Variants in EYS observed in about 807,000 individuals in gnomAD.
EYS encodes protein eyes shut homolog.
Under a neutral mutation model 282.1 loss-of-function variants are expected in EYS, and 250 were observed. The ratio of observed to expected loss-of-function variants is 0.89; its 90% CI spans 0.80 to 0.98. EYS has a LOEUF of 0.98. Among genes scored for constraint, EYS ranks in the 50% least tolerant of loss-of-function variants. EYS has a pLI of 0.00. For missense variants in EYS, 4,016 were observed against 3,709.0 expected (o/e 1.08, Z -2.15); for synonymous variants, 1,355 against 1,282.9 (o/e 1.06, Z -1.20).
intron 35 of EYS, among the ~76,000 whole-genome samples, chr6:63,955,410 T>A (rs928147575): frequency 2.0e-5 from 3 of 152,198 alleles, no homozygotes; most frequent in Admixed American, 1.3e-4. Context: ...AGTGGCAAGG[T>A]ACACTTCAAT....
At chr6:64,506,658 A>C (rs928596991) in intron 26 of EYS, among the ~76,000 whole-genome samples, 1 of 152,120 alleles carries the variant, frequency 6.6e-6, no homozygotes, top group Non-Finnish European at 1.5e-5. Context: ...CACGCATGCA[A>C]TCCCAGCACG....
At chr6:64,260,527 G>A (rs905038410) in intron 30 of EYS, among the ~76,000 whole-genome samples, 1 of 151,972 alleles carries the variant, frequency 6.6e-6, no homozygotes, top group Non-Finnish European at 1.5e-5. Context: ...TGTAATGGAG[G>A]TACTGTTAGA....
At chr6:65,252,346 G>A (rs918014141) in intron 12 of EYS, among the ~76,000 whole-genome samples, 9 of 151,932 alleles carry the variant, frequency 5.9e-5, no homozygotes, top group African/African-American at 2.2e-4. Context: ...ATCACAGATT[G>A]ACCATTGATG....
At chr6:65,386,787 CA>C (rs1765820240) in intron 7 of EYS, among the ~76,000 whole-genome samples, 1 of 151,828 alleles carries the variant, frequency 6.6e-6, no homozygotes, top group Non-Finnish European at 1.5e-5. Flanking sequence ...GTTTTAAATA[CA>C]GGGGGAGAGA....
intron 5 of EYS, among the ~76,000 whole-genome samples, chr6:65,454,962 T>A (rs1342327181): frequency 6.6e-6 from 1 of 152,122 alleles, no homozygotes; most frequent in Non-Finnish European, 1.5e-5. Flanking sequence ...TTGTGATATT[T>A]GCTTAGGGTT....
chr6:65,553,806 T>C (rs1768687102), intron 2 of EYS, among the ~76,000 whole-genome samples: 1 of 152,122 alleles, frequency 6.6e-6, no homozygotes, highest in African/African-American at 2.4e-5. Flanking sequence ...AATCTCAAGC[T>C]GATTTTTACA....
intron 5 of EYS, among the ~76,000 whole-genome samples, chr6:65,439,706 T>C (rs1024019170): frequency 2.0e-5 from 3 of 152,160 alleles, no homozygotes; most frequent in African/African-American, 7.2e-5. Flanking sequence ...TTTTGTATCC[T>C]GAGACTTTGC....
chr6:64,439,079 T>C, intron 27 of EYS, 83 bp downstream of exon 27: 1 of 748,528 alleles, frequency 1.3e-6, no homozygotes, highest in Non-Finnish European at 2.0e-6. Context: ...TAAGTTTAAA[T>C]TTTATTTTGA....
At chr6:65,330,840 C>T in intron 11 of EYS, 6 of 935,658 alleles carry the variant, frequency 6.4e-6, no homozygotes, top group Non-Finnish European at 7.6e-6. Flanking sequence ...CATTTAGAGT[C>T]TACTTCTATA....
chr6:64,463,317 A>G (rs539041156), intron 26 of EYS, among the ~76,000 whole-genome samples: 2 of 152,240 alleles, frequency 1.3e-5, no homozygotes, highest in South Asian at 2.1e-4. Flanking sequence ...TTATATTACA[A>G]TTCTGACCTT....
At chr6:64,130,498 G>T (rs1381108898) in intron 31 of EYS, among the ~76,000 whole-genome samples, 1 of 151,934 alleles carries the variant, frequency 6.6e-6, no homozygotes, top group Non-Finnish European at 1.5e-5. Flanking sequence ...AGGGGGGAGG[G>T]ATAACATTAG....
chr6:65,007,736 C>G (rs919956847), intron 13 of EYS, among the ~76,000 whole-genome samples: 1 of 152,100 alleles, frequency 6.6e-6, no homozygotes, highest in Non-Finnish European at 1.5e-5. Flanking sequence ...CAATTATGCC[C>G]CCTCCAAGCG....
At chr6:64,056,319 C>A (rs1329565987) in intron 33 of EYS, among the ~76,000 whole-genome samples, 1 of 152,202 alleles carries the variant, frequency 6.6e-6, no homozygotes, top group African/African-American at 2.4e-5. Flanking sequence ...TATAGACTCT[C>A]CCTCTCCAAA....
chr6:64,470,803 T>A (rs1294892808), intron 26 of EYS, among the ~76,000 whole-genome samples: 3 of 151,700 alleles, frequency 2.0e-5, no homozygotes, highest in Non-Finnish European at 4.4e-5. Flanking sequence ...AAGGAATACA[T>A]AAGAATAAAA....
chr6:64,824,509 T>A (rs1037064304), intron 19 of EYS, among the ~76,000 whole-genome samples: 3 of 151,932 alleles, frequency 2.0e-5, no homozygotes, highest in Non-Finnish European at 4.4e-5. Context: ...AAACACATTA[T>A]ATTTGATTAG....
At chr6:65,033,417 C>A (rs546492638) in intron 13 of EYS, among the ~76,000 whole-genome samples, 9 of 152,248 alleles carry the variant, frequency 5.9e-5, no homozygotes, top group African/African-American at 2.2e-4. Flanking sequence ...TCATGGCAGT[C>A]ACTCCCATCA....
chr6:65,345,567 TA>T (rs1254876813), intron 9 of EYS, among the ~76,000 whole-genome samples: 5 of 151,828 alleles, frequency 3.3e-5, no homozygotes, highest in Non-Finnish European at 7.4e-5. Context: ...ATTGTAGGAT[TA>T]TTTAGAATTG....
At chr6:64,737,029 T>G (rs1179785645) in intron 22 of EYS, among the ~76,000 whole-genome samples, 1 of 152,204 alleles carries the variant, frequency 6.6e-6, no homozygotes, top group African/African-American at 2.4e-5. Context: ...AAATTGTGTG[T>G]CACCCAAATT....
intron 22 of EYS, among the ~76,000 whole-genome samples, chr6:64,650,263 TTAAG>T (rs1157528148): frequency 2.6e-5 from 4 of 151,852 alleles, no homozygotes; most frequent in African/African-American, 7.2e-5. Flanking sequence ...AACTAAATCT[TTAAG>T]TAGCTACAAA....
Sources: allele counts gnomAD v4.1 joint callset (sites outside exome capture counted in the v4.1 genomes callset), GRCh38; gene constraint gnomAD v4.1.1; transcripts MANE v1.5; gene names NCBI Gene and HGNC (gene_info 2026-07-23, HGNC 2026-07-21).